CDK19: variants seen among roughly 807,000 people sequenced by gnomAD.
CDK19 encodes cyclin dependent kinase 19.
A neutral mutation model predicts 68.3 loss-of-function variants in CDK19; 20 were observed. That is an observed-to-expected ratio of 0.29 (90% CI 0.21 to 0.43). CDK19 has a LOEUF of 0.43. Among genes scored for constraint, CDK19 ranks in the 20% least tolerant of loss-of-function variants. The pLI is 1.00. For synonymous variants in CDK19, 221 were observed against 222.8 expected (o/e 0.99, Z 0.07); for missense variants, 339 against 623.5 (o/e 0.54, Z 4.86).
chr6:110,768,492 T>A (rs1027872789), intron 1 of CDK19, among the ~76,000 whole-genome samples: 1 of 152,176 alleles, frequency 6.6e-6, no homozygotes, highest in Admixed American at 6.5e-5. Context: ...AACCAAGATA[T>A]CCTTCAGTAG....
chr6:110,693,161 C>T (rs572021564), intron 2 of CDK19, among the ~76,000 whole-genome samples: 11 of 152,196 alleles, frequency 7.2e-5, no homozygotes, highest in Admixed American at 1.3e-4. Flanking sequence ...AGACTCACAC[C>T]GTGAACTTTT....
intron 1 of CDK19, among the ~76,000 whole-genome samples, chr6:110,777,349 A>G (rs1397512947): frequency 6.6e-6 from 1 of 152,182 alleles, no homozygotes; most frequent in African/African-American, 2.4e-5. Context: ...CAGTTTTTTA[A>G]ACTTGCTGTC....
At chr6:110,805,128 G>A (rs1782594417) in intron 1 of CDK19, among the ~76,000 whole-genome samples, 1 of 151,982 alleles carries the variant, frequency 6.6e-6, no homozygotes, top group South Asian at 2.1e-4. Flanking sequence ...ATCCTGTACA[G>A]TGCACATTCA....
chr6:110,756,110 T>C (rs1778820034), intron 1 of CDK19, among the ~76,000 whole-genome samples: 1 of 151,146 alleles, frequency 6.6e-6, no homozygotes, highest in African/African-American at 2.4e-5. Flanking sequence ...AATACGAAAT[T>C]AGCTAGGCGT....
intron 12 of CDK19, among the ~76,000 whole-genome samples, chr6:110,619,399 G>A (rs1444517362): frequency 6.6e-6 from 1 of 152,064 alleles, no homozygotes; most frequent in African/African-American, 2.4e-5. Flanking sequence ...GGTAAAGAAA[G>A]GCAGGTTTAT....
intron 2 of CDK19, among the ~76,000 whole-genome samples, chr6:110,733,861 A>T (rs772355226): frequency 2.0e-5 from 3 of 151,976 alleles, no homozygotes; most frequent in Admixed American, 1.3e-4. Context: ...TGACTTACCA[A>T]CTTTAAGCAT....
In CDK19 at chr6:110,701,213, T is replaced by G. The variant is rs189221765; in HGVS notation, c.205-30672A>C. On this transcript the variant is annotated intron_variant, in intron 2 of 12. Coordinates refer to ENST00000368911, the MANE Select transcript of CDK19 (RefSeq NM_015076.5). ...AGCGAGACTCCATCTCAAAAAAAATTAATTAATTAATTACCAGTTGTTAAA... is the reference window on the plus strand; with the variant it reads ...AGCGAGACTCCATCTCAAAAAAAATGAATTAATTAATTACCAGTTGTTAAA... Among the ~76,000 whole-genome samples the G allele has an allele frequency of 2.4e-3, 322 of 135,654 alleles. 3 individuals are homozygous for G. Among genetic ancestry groups the G allele is most frequent in the African/African-American group, 8.5e-3 (311 of 36,392 alleles). The allele number at this position is 135,654 out of a possible 152,430, so 89.0% of individuals were successfully genotyped here. A position where few individuals can be genotyped will look rare whatever the true frequency, so the allele number is the denominator to read the frequency against.
At chr6:110,645,952 G>A (rs965897760) in intron 4 of CDK19, 7 of 1,151,260 alleles carry the variant, frequency 6.1e-6, no homozygotes, top group Non-Finnish European at 8.8e-6. Flanking sequence ...GCCACCGACC[G>A]CGAGGGCTTC....
chr6:110,619,014 A>T (rs918429473), intron 12 of CDK19, among the ~76,000 whole-genome samples: 1 of 152,132 alleles, frequency 6.6e-6, no homozygotes, highest in African/African-American at 2.4e-5. Flanking sequence ...ACTTTCAGAG[A>T]GTGAAAGGAA....
rs1287715935 is a variant in CDK19, at chr6:110,611,437, T to C, written c.*3098A>G. 3 of 152,240 alleles carry C rather than the reference T, an allele frequency of 2.0e-5. No homozygotes were observed. Among genetic ancestry groups the C allele is most frequent in the African/African-American group, 7.2e-5 (3 of 41,450 alleles). The allele number at this position is 152,240 out of a possible 1,614,324, so 9.4% of individuals were successfully genotyped here. ...AAGGTAAAGTTTGCCCTCAAAAAGC[T>C]TCAAAGGTCTCCTTAGAGGTCCCAC... On this transcript the variant is annotated 3_prime_UTR_variant, in exon 13 of 13. Coordinates refer to ENST00000368911, the MANE Select transcript of CDK19 (RefSeq NM_015076.5).
At chr6:110,716,790 A>G (rs1775437503) in intron 2 of CDK19, among the ~76,000 whole-genome samples, 1 of 152,148 alleles carries the variant, frequency 6.6e-6, no homozygotes, top group Non-Finnish European at 1.5e-5. Flanking sequence ...ATATCAATAA[A>G]TATATATATT....
chr6:110,626,723 AG>A (rs1297311164), intron 8 of CDK19, 52 bp downstream of exon 8: 8 of 1,062,982 alleles, frequency 7.5e-6, no homozygotes, highest in Non-Finnish European at 1.1e-5. Context: ...ACCCAGTCTA[AG>A]GTATTTTTTT....
At chr6:110,662,564 C>A (rs1279387515) in intron 4 of CDK19, among the ~76,000 whole-genome samples, 2 of 152,114 alleles carry the variant, frequency 1.3e-5, no homozygotes, top group Admixed American at 1.3e-4. Flanking sequence ...ATTCAAATAA[C>A]TTATGAGCAC....
chr6:110,729,344 T>A (rs1423470103), intron 2 of CDK19, among the ~76,000 whole-genome samples: 3 of 152,208 alleles, frequency 2.0e-5, no homozygotes, highest in Non-Finnish European at 4.4e-5. Flanking sequence ...TGTGTACTCA[T>A]ACTATGATAA....
intron 1 of CDK19, among the ~76,000 whole-genome samples, chr6:110,802,381 T>C (rs958528831): frequency 6.6e-6 from 1 of 152,116 alleles, no homozygotes; most frequent in African/African-American, 2.4e-5. Context: ...TGCAGCAACA[T>C]GGGTTGGGCT....
intron 5 of CDK19, among the ~76,000 whole-genome samples, chr6:110,638,135 A>C (rs1367630100): frequency 6.6e-6 from 1 of 152,238 alleles, no homozygotes; most frequent in East Asian, 1.9e-4. Flanking sequence ...CCTCAATCTA[A>C]GAGAGGCAGC....
intron 4 of CDK19, among the ~76,000 whole-genome samples, chr6:110,658,742 A>AT (rs1781447920): frequency 6.6e-6 from 1 of 152,176 alleles, no homozygotes; most frequent in African/African-American, 2.4e-5. Flanking sequence ...TATTTCACAT[A>AT]TTTACACTAG....
At chr6:110,669,966 T>C (rs967661995) in intron 3 of CDK19, among the ~76,000 whole-genome samples, 3 of 151,970 alleles carry the variant, frequency 2.0e-5, no homozygotes, top group African/African-American at 7.3e-5. Flanking sequence ...GAGACCAGCC[T>C]GACCAACATG....
intron 2 of CDK19, among the ~76,000 whole-genome samples, chr6:110,678,179 C>T (rs965003893): frequency 6.6e-6 from 1 of 151,946 alleles, no homozygotes; most frequent in Non-Finnish European, 1.5e-5. Context: ...TTTCTATATT[C>T]CTAGGGACTA....
Sources: allele counts gnomAD v4.1 joint callset (sites outside exome capture counted in the v4.1 genomes callset), GRCh38; gene constraint gnomAD v4.1.1; transcripts MANE v1.5; gene names NCBI Gene and HGNC (gene_info 2026-07-23, HGNC 2026-07-21).